The following BRAF variants were observed in gnomAD, a reference collection of about 807,000 sequenced individuals.
BRAF encodes serine/threonine-protein kinase B-raf.
In BRAF, 16 loss-of-function variants were observed where a neutral mutation model predicts 104.6. The observed-to-expected ratio is 0.15, with a 90% CI of 0.10 to 0.23. The LOEUF is 0.23. BRAF is among the 10% of genes least tolerant of loss of function. BRAF has a pLI of 1.00. For missense variants in BRAF, 541 were observed against 937.3 expected (o/e 0.58, Z 5.52); for synonymous variants, 310 against 341.6 (o/e 0.91, Z 1.02).
intron 14 of BRAF, among the ~76,000 whole-genome samples, chr7:140,772,320 C>T (rs936002543): frequency 1.3e-4 from 19 of 147,574 alleles, no homozygotes; most frequent in African/African-American, 5.0e-4. Context: ...CAACAAAGTT[C>T]AATCAAATGT....
chr7:140,724,055 T>C lies in BRAF; in HGVS notation c.*2439A>G. ...ATCTCAATATGCTAAGCCTGGCTCC[T>C]GGGCACAGCTTCATTTGAGATCAAG... is the stretch of plus-strand genomic sequence containing the variant. On this transcript the variant is annotated 3_prime_UTR_variant, in exon 20 of 20. Coordinates refer to ENST00000644969, the MANE Select transcript of BRAF (RefSeq NM_001374258.1). 9.5e-7 allele frequency: 1 copy of C among 1,048,086 alleles called. No individual in the cohort carries two copies. The highest frequency in any genetic ancestry group is 1.2e-6 in the Non-Finnish European group (1 of 868,446). The allele number at this position is 1,048,086 out of a possible 1,614,324, so 64.9% of individuals were successfully genotyped here.
At chr7:140,906,325 C>T (rs1247532671) in intron 1 of BRAF, among the ~76,000 whole-genome samples, 1 of 151,946 alleles carries the variant, frequency 6.6e-6, no homozygotes, top group East Asian at 1.9e-4. Context: ...CCTCAGCCAC[C>T]TGAGTAGCTG....
At chr7:140,880,432 T>C (rs185349056) in intron 1 of BRAF, among the ~76,000 whole-genome samples, 2 of 129,838 alleles carry the variant, frequency 1.5e-5, no homozygotes, top group African/African-American at 8.8e-5. Context: ...CCTTCCTCCA[T>C]TGAAGTTTTG....
rs1161808564 is a variant in BRAF, at chr7:140,721,534, T to C, written c.*4960A>G. On this transcript the variant is annotated 3_prime_UTR_variant, in exon 20 of 20. Coordinates refer to ENST00000644969, the MANE Select transcript of BRAF (RefSeq NM_001374258.1). ...ACTAATAAAACAAACATCTTACCAGTATTTTTAATTTTACCAGAGCTAGCA... is the reference window on the plus strand; with the variant it reads ...ACTAATAAAACAAACATCTTACCAGCATTTTTAATTTTACCAGAGCTAGCA... The C allele has an allele frequency of 7.0e-7, 1 of 1,437,436 alleles. No homozygotes were observed. The highest frequency in any genetic ancestry group is 2.7e-5 in the East Asian group (1 of 37,412). The allele number at this position is 1,437,436 out of a possible 1,614,324, so 89.0% of individuals were successfully genotyped here.
intron 1 of BRAF, among the ~76,000 whole-genome samples, chr7:140,880,208 G>C (rs998321063): frequency 1.3e-5 from 2 of 152,138 alleles, no homozygotes; most frequent in Non-Finnish European, 2.9e-5. Flanking sequence ...CTAATTTTAT[G>C]TAAAATTCTA....
rs970151412 is a variant in BRAF, at chr7:140,719,832, C to T, written c.*6662G>A. The T allele has an allele frequency of 9.4e-6, 10 of 1,062,858 alleles. No homozygotes were observed. The highest frequency in any genetic ancestry group is 1.0e-4 in the East Asian group (2 of 19,804). The allele number at this position is 1,062,858 out of a possible 1,614,324, so 65.8% of individuals were successfully genotyped here. On this transcript the variant is annotated 3_prime_UTR_variant, in exon 20 of 20. Coordinates refer to ENST00000644969, the MANE Select transcript of BRAF (RefSeq NM_001374258.1). ...TTCACTGGGCACGCCCCAGACTCCA[C>T]GAGAACCTTTTCAATGCTTGAGTGG...
At chr7:140,777,183 T>A in intron 13 of BRAF, 95 bp from the exon 13 acceptor site, 2 of 1,334,682 alleles carry the variant, frequency 1.5e-6, no homozygotes, top group Admixed American at 2.2e-5. Context: ...TAAAATGTTG[T>A]CAGAAAAAGC....
At chr7:140,902,942 G>A (rs1048832246) in intron 1 of BRAF, among the ~76,000 whole-genome samples, 1 of 46,706 alleles carries the variant, frequency 2.1e-5, no homozygotes, top group Non-Finnish European at 3.9e-5. Flanking sequence ...TTTTTTTTTT[G>A]AGATGGAGTT....
chr7:140,922,455 C>T (rs936527639), intron 1 of BRAF, among the ~76,000 whole-genome samples: 1 of 152,188 alleles, frequency 6.6e-6, no homozygotes, highest in Admixed American at 6.6e-5. Context: ...TTCACAAAAG[C>T]CTTCTTTACA....
chr7:140,781,740 A>G (rs769166937), intron 11 of BRAF, 47 bp from the exon 11 acceptor site: 1 of 1,483,458 alleles, frequency 6.7e-7, no homozygotes, highest in South Asian at 1.1e-5. Context: ...ACAGAAAAAG[A>G]AAACCTTATG....
chr7:140,915,487 T>C (rs544614649), intron 1 of BRAF, among the ~76,000 whole-genome samples: 2 of 151,244 alleles, frequency 1.3e-5, no homozygotes, highest in Admixed American at 1.3e-4. Context: ...CAGGCTGGAG[T>C]GCAATGGCGC....
intron 1 of BRAF, among the ~76,000 whole-genome samples, chr7:140,923,997 C>A (rs1372682505): frequency 6.6e-6 from 1 of 151,852 alleles, no homozygotes; most frequent in Admixed American, 6.6e-5. Context: ...AAGACTAAAT[C>A]AAAATAATTT....
chr7:140,721,507 G>A lies in BRAF; in HGVS notation c.*4987C>T. On this transcript the variant is annotated 3_prime_UTR_variant, in exon 20 of 20. Coordinates refer to ENST00000644969, the MANE Select transcript of BRAF (RefSeq NM_001374258.1). ...AACAAAACAGAGCTTACTGTCTAGT[G>A]TACTAATAAAACAAACATCTTACCA... The A allele has an allele frequency of 7.2e-7, 1 of 1,398,048 alleles. No individual in the cohort carries two copies. The highest frequency in any genetic ancestry group is 9.3e-7 in the Non-Finnish European group (1 of 1,079,178). 86.6% of individuals were successfully genotyped at this position (1,398,048 alleles called of 1,614,324 possible). A position where few individuals can be genotyped will look rare whatever the true frequency, so the allele number is the denominator to read the frequency against.
downstream of BRAF, chr7:140,719,292 T>G: frequency 1.2e-6 from 1 of 857,320 alleles, no homozygotes. Context: ...CTACTTTTGT[T>G]ACTGAATGTA....
At chr7:140,861,189 G>A (rs1810377990) in intron 1 of BRAF, among the ~76,000 whole-genome samples, 1 of 152,134 alleles carries the variant, frequency 6.6e-6, no homozygotes, top group Admixed American at 6.5e-5. Flanking sequence ...AGAAAATAAA[G>A]GCGCCTTCTG....
chr7:140,888,958 G>A (rs1813901008), intron 1 of BRAF, among the ~76,000 whole-genome samples: 1 of 152,042 alleles, frequency 6.6e-6, no homozygotes, highest in South Asian at 2.1e-4. Context: ...GGCATCTTGT[G>A]AGCAGAGGCC....
chr7:140,865,309 G>A (rs950250109), intron 1 of BRAF, among the ~76,000 whole-genome samples: 1 of 151,976 alleles, frequency 6.6e-6, no homozygotes, highest in African/African-American at 2.4e-5. Flanking sequence ...TGAACTCCTG[G>A]CCTCAAGTGA....
intron 14 of BRAF, among the ~76,000 whole-genome samples, chr7:140,767,645 GAA>G (rs1332342023): frequency 6.6e-6 from 1 of 152,188 alleles, no homozygotes; most frequent in Non-Finnish European, 1.5e-5. Context: ...CTAGGAAACT[GAA>G]AGTGTAACTG....
chr7:140,924,771 T>TG lies in BRAF; in HGVS notation c.-69dup. The stretch of plus-strand genomic sequence containing the variant: ...GGGAGGGGGAAGGGAGGCGGAGAGC[T>TG]GGGGGAGGCGGAGGCGGAGGCGGAG... On this transcript the variant is annotated 5_prime_UTR_variant, in exon 1 of 20. Transcript: ENST00000644969. This position sits in a 1 kb window ranked among gnomAD's most constrained non-coding sequence, Gnocchi z 4.2. The TG allele has an allele frequency of 3.5e-6, 2 of 569,290 alleles. No individual in the cohort carries two copies. The highest frequency in any genetic ancestry group is 6.1e-6 in the Non-Finnish European group (2 of 330,272). 35.3% of individuals were successfully genotyped at this position (569,290 alleles called of 1,614,324 possible).
Sources: gnomAD v4.1 joint callset for allele counts (sites outside exome capture counted in the v4.1 genomes callset) on GRCh38, gnomAD v4.1.1 for gene constraint, Gnocchi (gnomAD v3.1) non-coding constraint, MANE v1.5 for transcripts, NCBI Gene and HGNC (gene_info 2026-07-23, HGNC 2026-07-21) for gene names.